CDH12: variants seen among roughly 807,000 people sequenced by gnomAD.
The protein encoded by CDH12 is cadherin-12.
Under a neutral mutation model 74.1 loss-of-function variants are expected in CDH12, and 41 were observed. The ratio of observed to expected loss-of-function variants is 0.55; its 90% confidence interval spans 0.43 to 0.72. The LOEUF (loss-of-function observed/expected upper bound fraction) is 0.72, where lower values mean the gene tolerates loss of function less well. Among genes scored for constraint, CDH12 ranks in the 30% least tolerant of loss-of-function variants. The probability of loss-of-function intolerance (pLI) is 0.00; values close to 1 mark genes in which losing one functional copy is unlikely to be tolerated. For missense variants in CDH12, 945 were observed against 977.2 expected (o/e 0.97, Z 0.44); for synonymous variants, 399 against 355.0 (o/e 1.12, Z -1.39).
chr5:22,519,361 C>A lies in CDH12; in HGVS notation c.-522-13997G>T, dbSNP rs568674484. 6.6e-5 allele frequency among the ~76,000 whole-genome samples: 10 copies of A among 151,768 alleles called. No individual in the cohort carries two copies. In the East Asian group the frequency reaches 1.9e-3, roughly 30 times the overall value. On this transcript the variant is annotated intron_variant, in intron 1 of 14. Transcript: ENST00000382254. ...TGAAGATATAAAGTAAAATAAAGTT[C>A]TCTCACCATGTCCAACTTGCCAACA...
intron 3 of CDH12, among the ~76,000 whole-genome samples, chr5:22,259,481 A>G (rs932518642): frequency 1.3e-5 from 2 of 152,088 alleles, no homozygotes; most frequent in African/African-American, 4.8e-5. Context: ...TAAGATAGTA[A>G]AAATGTCAGT....
At chr5:22,609,374 C>T (rs1737282704) in intron 1 of CDH12, among the ~76,000 whole-genome samples, 2 of 152,184 alleles carry the variant, frequency 1.3e-5, no homozygotes, top group South Asian at 4.1e-4. Flanking sequence ...TCTTTCAGCA[C>T]TCATCACACA....
At chr5:22,637,370 C>G (rs1444208844) in intron 1 of CDH12, among the ~76,000 whole-genome samples, 3 of 152,158 alleles carry the variant, frequency 2.0e-5, no homozygotes, top group Non-Finnish European at 4.4e-5. Context: ...TAGTAACTAT[C>G]CACTTCCCTT....
At chr5:22,560,777 C>T (rs1228780800) in intron 1 of CDH12, among the ~76,000 whole-genome samples, 1 of 152,078 alleles carries the variant, frequency 6.6e-6, no homozygotes, top group East Asian at 1.9e-4. Flanking sequence ...TGTGCCTTAA[C>T]AAGTTGTATT....
chr5:21,797,509 A>G (rs1404939811), intron 10 of CDH12, among the ~76,000 whole-genome samples: 1 of 152,120 alleles, frequency 6.6e-6, no homozygotes, highest in Non-Finnish European at 1.5e-5. Flanking sequence ...GACAGGTTTC[A>G]TGTTGATTCA....
At chr5:22,170,457 T>G (rs1038592093) in intron 4 of CDH12, among the ~76,000 whole-genome samples, 2 of 151,828 alleles carry the variant, frequency 1.3e-5, no homozygotes, top group Non-Finnish European at 2.9e-5. Context: ...TATAATTTAC[T>G]GTAGTTAAAT....
intron 6 of CDH12, among the ~76,000 whole-genome samples, chr5:21,960,105 C>G (rs1223185372): frequency 1.3e-5 from 2 of 151,894 alleles, no homozygotes; most frequent in Non-Finnish European, 2.9e-5. Context: ...CTTTAACACA[C>G]CACTGACAGT....
At position 22,663,772 on chromosome 5, in the gene CDH12, T is replaced by C. The variant is rs1042207913; in HGVS notation, c.-522-158408A>G. ...TCTGTTAAAGTGTTCATTTCATTTA[T>C]GCAGATTTTTGGATGATACATAATG... On this transcript the variant is annotated intron_variant, in intron 1 of 14. Coordinates refer to ENST00000382254, the MANE Select transcript of CDH12 (RefSeq NM_004061.5). 2.4e-4 allele frequency among the ~76,000 whole-genome samples: 36 copies of C among 152,194 alleles called. 1 individual carries two copies. The highest frequency in any genetic ancestry group is 1.9e-4 in the Non-Finnish European group (13 of 68,026).
intron 1 of CDH12, among the ~76,000 whole-genome samples, chr5:22,715,270 C>T (rs1346328639): frequency 6.6e-6 from 1 of 152,176 alleles, no homozygotes; most frequent in Non-Finnish European, 1.5e-5. Context: ...ATTACCTCAG[C>T]TGTCTAAGCA....
chr5:22,598,203 T>C (rs1413278349), intron 1 of CDH12, among the ~76,000 whole-genome samples: 1 of 152,220 alleles, frequency 6.6e-6, no homozygotes, highest in Non-Finnish European at 1.5e-5. Context: ...AAGGTAAAGA[T>C]AACTTCAGCA....
chr5:22,479,742 T>C, intron 2 of CDH12, among the ~76,000 whole-genome samples: 1 of 152,236 alleles, frequency 6.6e-6, no homozygotes, highest in East Asian at 1.9e-4. Flanking sequence ...AATAGTTCAT[T>C]AAAATGTGTC....
At chr5:22,119,326 T>C (rs1435983295) in intron 4 of CDH12, among the ~76,000 whole-genome samples, 1 of 145,872 alleles carries the variant, frequency 6.9e-6, no homozygotes, top group Non-Finnish European at 1.5e-5. Context: ...AGTCTTGATG[T>C]GTTGCCCAGG....
intron 1 of CDH12, among the ~76,000 whole-genome samples, chr5:22,759,248 C>T (rs933666405): frequency 1.3e-5 from 2 of 152,026 alleles, no homozygotes; most frequent in Admixed American, 6.6e-5. Context: ...GGCCACCACA[C>T]ATGTATTCTT....
intron 6 of CDH12, among the ~76,000 whole-genome samples, chr5:21,966,734 CTGAGA>C (rs1756602835): frequency 1.3e-5 from 2 of 151,834 alleles, no homozygotes; most frequent in Admixed American, 6.6e-5. Context: ...ATTACTGTGC[CTGAGA>C]TGATAGAGCT....
At chr5:22,400,103 T>C (rs970964827) in intron 3 of CDH12, among the ~76,000 whole-genome samples, 8 of 152,126 alleles carry the variant, frequency 5.3e-5, no homozygotes, top group African/African-American at 1.9e-4. Context: ...AACATATACT[T>C]CCCCCCTTTC....
At chr5:22,063,185 G>A (rs1580190339) in intron 5 of CDH12, among the ~76,000 whole-genome samples, 2 of 151,880 alleles carry the variant, frequency 1.3e-5, no homozygotes, top group African/African-American at 4.8e-5. Context: ...TTCTATTTTT[G>A]TCTTTCTTAT....
rs142035034 is a variant in CDH12 at position 22,237,564 on chromosome 5, C to A, written c.-332-24921G>T. On this transcript the variant is annotated intron_variant, in intron 3 of 14. Transcript: ENST00000382254. Reference sequence around the variant, plus strand: ...AGAGTGCCATCTATGAGAAATGGGCCCTTATTAGACTGAATTTGCCAGTGC... The same window carrying A: ...AGAGTGCCATCTATGAGAAATGGGCACTTATTAGACTGAATTTGCCAGTGC... Among the ~76,000 whole-genome samples the A allele has an allele frequency of 7.2e-5, 11 of 152,048 alleles. No individual in the cohort carries two copies. In the East Asian group the frequency reaches 2.1e-3, roughly 29 times the overall value.
chr5:22,153,154 T>A (rs1304479866), intron 4 of CDH12, among the ~76,000 whole-genome samples: 4 of 151,098 alleles, frequency 2.6e-5, no homozygotes, highest in Non-Finnish European at 5.9e-5. Context: ...GGTCATACGA[T>A]AGTTCTTTTC....
chr5:22,152,669 A>G (rs1335799215), intron 4 of CDH12, among the ~76,000 whole-genome samples: 2 of 152,198 alleles, frequency 1.3e-5, no homozygotes, highest in Admixed American at 1.3e-4. Flanking sequence ...CAAGAATACA[A>G]TATATTACTA....
Sources: allele counts gnomAD v4.1 joint callset (sites outside exome capture counted in the v4.1 genomes callset), GRCh38; gene constraint gnomAD v4.1.1; transcripts MANE v1.5; gene names NCBI Gene and HGNC (gene_info 2026-07-23, HGNC 2026-07-21).